PTPN9: variants seen among roughly 807,000 people sequenced by gnomAD.
PTPN9 encodes the protein protein tyrosine phosphatase non-receptor type 9.
PTPN9 carries 26 observed loss-of-function variants against 69.8 expected under a neutral mutation model. The ratio of observed to expected loss-of-function variants is 0.37; its 90% CI spans 0.27 to 0.52. PTPN9 has a LOEUF of 0.52. Among genes scored for constraint, PTPN9 ranks in the 20% least tolerant of loss-of-function variants. The pLI, the probability that PTPN9 is intolerant of heterozygous loss-of-function variation, is 0.91. For missense variants in PTPN9, 549 were observed against 740.3 expected (o/e 0.74, Z 3.00); for synonymous variants, 274 against 272.5 (o/e 1.01, Z -0.05).
At chr15:75,504,529 C>A (rs1478068495) in intron 7 of PTPN9, among the ~76,000 whole-genome samples, 1 of 137,652 alleles carries the variant, frequency 7.3e-6, no homozygotes, top group Non-Finnish European at 1.6e-5. Context: ...GTCAGCCCCC[C>A]GCCCAGCCAG....
intron 1 of PTPN9, among the ~76,000 whole-genome samples, chr15:75,540,559 AAAAGAAAG>A (rs371414252): frequency 2.4e-3 from 252 of 106,710 alleles, no homozygotes; most frequent in African/African-American, 4.4e-3. Flanking sequence ...AAAAAAAAAA[AAAAGAAAG>A]AAAGAAAGAA....
chr15:75,541,006 G>A (rs1006904325), intron 1 of PTPN9, among the ~76,000 whole-genome samples: 2 of 151,950 alleles, frequency 1.3e-5, no homozygotes, highest in Non-Finnish European at 2.9e-5. Context: ...TTGAGCCTAG[G>A]AGGTCCAGGC....
chr15:75,485,353 TC>T (rs2074668345), intron 8 of PTPN9, among the ~76,000 whole-genome samples: 1 of 138,786 alleles, frequency 7.2e-6, no homozygotes, highest in Non-Finnish European at 1.5e-5. Context: ...AATTGTCACT[TC>T]TTTTTTTTTT....
chr15:75,504,909 A>C (rs1297188904), intron 7 of PTPN9, among the ~76,000 whole-genome samples: 8 of 151,642 alleles, frequency 5.3e-5, no homozygotes, highest in Non-Finnish European at 1.5e-5. Flanking sequence ...AGCCACCCCT[A>C]CTAGGAAGTG....
intron 8 of PTPN9, among the ~76,000 whole-genome samples, chr15:75,489,572 G>C (rs1160046303): frequency 1.3e-5 from 2 of 151,848 alleles, no homozygotes; most frequent in East Asian, 3.9e-4. Flanking sequence ...AATAAAGCAA[G>C]ACCTTGTCTT....
intron 1 of PTPN9, among the ~76,000 whole-genome samples, chr15:75,539,818 C>T (rs1161453013): frequency 2.3e-5 from 3 of 129,654 alleles, no homozygotes; most frequent in South Asian, 3.0e-4. Flanking sequence ...ATTACAGGCG[C>T]GCACCACCAC....
At chr15:75,563,546 C>A (rs1300692742) in intron 1 of PTPN9, among the ~76,000 whole-genome samples, 1 of 152,146 alleles carries the variant, frequency 6.6e-6, no homozygotes, top group East Asian at 1.9e-4. Flanking sequence ...CCAACTCTAT[C>A]CTTGCTGAGA....
chr15:75,485,310 C>A (rs2141295983), intron 8 of PTPN9, among the ~76,000 whole-genome samples: 1 of 148,242 alleles, frequency 6.7e-6, no homozygotes, highest in Admixed American at 6.7e-5. Context: ...TTAGTAAGAA[C>A]ATAAGGAGGA....
chr15:75,577,869 G>A (rs28699534), intron 1 of PTPN9, among the ~76,000 whole-genome samples: 2 of 152,146 alleles, frequency 1.3e-5, no homozygotes, highest in Admixed American at 6.6e-5. Flanking sequence ...CGAAAAGCCC[G>A]TAGGGTTCCC....
At chr15:75,540,559 A>AAAGAAAG (rs1555456493) in intron 1 of PTPN9, among the ~76,000 whole-genome samples, 4 of 106,698 alleles carry the variant, frequency 3.7e-5, no homozygotes, top group African/African-American at 9.5e-5. Flanking sequence ...AAAAAAAAAA[A>AAAGAAAG]AAAGAAAGAA....
intron 7 of PTPN9, among the ~76,000 whole-genome samples, chr15:75,500,247 G>T (rs2074765183): frequency 6.6e-6 from 1 of 152,022 alleles, no homozygotes; most frequent in Admixed American, 6.6e-5. Context: ...GGGAGATGGA[G>T]GTTGCAGTGG....
rs561883540 is a variant in PTPN9 at position 75,466,510 on chromosome 15, C to G, written c.*2259G>C. On this transcript the variant is annotated 3_prime_UTR_variant, in exon 13 of 13. Transcript: ENST00000618819. ...AGTCTCCTGGGGAGAATGATAACCC[C>G]TTTGGTACGCTGCAGACATGAGGAC... The G allele has an allele frequency of 4.6e-5, 7 of 152,316 alleles. No homozygotes were observed. In the South Asian group the frequency reaches 1.5e-3, roughly 32 times the overall value. The allele number at this position is 152,316 out of a possible 1,614,324, so 9.4% of individuals were successfully genotyped here. A position where few individuals can be genotyped will look rare whatever the true frequency, so the allele number is the denominator to read the frequency against.
chr15:75,480,035 G>A, intron 8 of PTPN9, 121 bp from the exon 9 acceptor site: 1 of 659,870 alleles, frequency 1.5e-6, no homozygotes, highest in Non-Finnish European at 2.5e-6. Flanking sequence ...AGCAGAAAAT[G>A]AGGAGTGAAA....
intron 1 of PTPN9, among the ~76,000 whole-genome samples, chr15:75,534,500 C>G (rs960220988): frequency 6.6e-6 from 1 of 151,724 alleles, no homozygotes; most frequent in African/African-American, 2.4e-5. Flanking sequence ...ATGGTGAGAC[C>G]CCATCTCTAC....
chr15:75,544,010 T>C (rs2141331785), intron 1 of PTPN9, among the ~76,000 whole-genome samples: 1 of 152,290 alleles, frequency 6.6e-6, no homozygotes, highest in South Asian at 2.1e-4. Context: ...AATAGCATAT[T>C]TACTAAACAC....
chr15:75,565,845 A>C (rs1311538284), intron 1 of PTPN9, among the ~76,000 whole-genome samples: 1 of 152,212 alleles, frequency 6.6e-6, no homozygotes, highest in Non-Finnish European at 1.5e-5. Flanking sequence ...CAATGAACCA[A>C]TGGATGATGC....
At chr15:75,505,593 G>C in intron 7 of PTPN9, 82 bp downstream of exon 7, 1 of 1,028,270 alleles carries the variant, frequency 9.7e-7, no homozygotes, top group Non-Finnish European at 1.5e-6. Flanking sequence ...TGCTAAGCAA[G>C]TGAGGGGTGG....
intron 1 of PTPN9, among the ~76,000 whole-genome samples, chr15:75,571,679 G>A (rs1051331345): frequency 2.0e-5 from 3 of 151,626 alleles, no homozygotes; most frequent in Non-Finnish European, 2.9e-5. Flanking sequence ...GGTGGATCAC[G>A]AGGTCAGGAT....
chr15:75,506,397 C>T (rs569916857), intron 6 of PTPN9, among the ~76,000 whole-genome samples: 2 of 152,290 alleles, frequency 1.3e-5, no homozygotes, highest in Non-Finnish European at 2.9e-5. Context: ...ACTCAGACAA[C>T]CAATTCTAAG....
Sources: allele counts gnomAD v4.1 joint callset (sites outside exome capture counted in the v4.1 genomes callset), GRCh38; gene constraint gnomAD v4.1.1; transcripts MANE v1.5; gene names NCBI Gene and HGNC (gene_info 2026-07-23, HGNC 2026-07-21).